PLEKHN1: variants seen among roughly 807,000 people sequenced by gnomAD.
PLEKHN1 encodes the protein pleckstrin homology domain-containing family N member 1.
In PLEKHN1, 68 loss-of-function variants were observed where a neutral mutation model predicts 72.8. That is an observed-to-expected ratio of 0.93 (90% CI 0.77 to 1.14). The LOEUF (loss-of-function observed/expected upper bound fraction) is 1.14, where lower values mean the gene tolerates loss of function less well. Ranked by LOEUF, PLEKHN1 falls within the 50% of genes most tolerant of loss-of-function variation. The pLI is 0.00. For missense variants in PLEKHN1, 1,015 were observed against 840.5 expected, an observed-to-expected ratio of 1.21 and a Z score of -2.57; for synonymous variants, 454 against 371.6, an observed-to-expected ratio of 1.22 and a Z score of -2.55.
At chr1:969,446 T>TGTGGAAATGTATGCATGTATGCA (rs1388268588) in intron 2 of PLEKHN1, among the ~76,000 whole-genome samples, 93 of 152,282 alleles carry the variant, frequency 6.1e-4, no homozygotes, top group African/African-American at 2.2e-3. Flanking sequence ...TTTGTGTGTG[T>TGTGGAAATGTATGCATGTATGCA]GTGGAAATGT....
At position 971,135 on chromosome 1, in the gene PLEKHN1, C is replaced by T. The variant is rs375803737; in HGVS notation, c.635C>T (p.Thr212Met). The T allele has an allele frequency of 4.4e-5, 70 of 1,600,722 alleles. No individual in the cohort carries two copies. Among genetic ancestry groups the T allele is most frequent in the African/African-American group, 8.0e-5 (6 of 74,710 alleles). The stretch of plus-strand genomic sequence containing the variant: ...CAGCGCCGTCTAACCCGGCTGCGGA[C>T]GGCGTCAGGGCACGAACCCGGCGGC... ...PPQRRLTRLR[T>M]ASGHEPGGSA... The change falls in exon 7 of 16, where the codon ACG becomes ATG. Residue 212 changes from threonine to methionine, a missense_variant. By Grantham distance (81) the Thr-to-Met change is moderately conservative. Coordinates refer to ENST00000379410, the MANE Select transcript of PLEKHN1 (RefSeq NM_032129.3).
At position 972,141 on chromosome 1, in the gene PLEKHN1, C is replaced by G. The variant is rs1185762629; in HGVS notation, c.856C>G (p.Leu286Val). 1 of 1,613,050 alleles carries G rather than the reference C, an allele frequency of 6.2e-7. No homozygotes were observed. Among genetic ancestry groups the G allele is most frequent in the Admixed American group, 1.7e-5 (1 of 60,014 alleles). The change falls in exon 9 of 16, where the codon CTG (leucine) becomes GTG (valine). Residue 286 changes from leucine (L) to valine (V), a missense_variant. By Grantham distance (32) the Leu-to-Val change is conservative. Transcript: ENST00000379410. ...EEKEKQIRSF[L>V]IEGPLINTIR... Reference sequence around the variant, plus strand: ...GAAGGAGAAGCAGATCCGCTCCTTCCTGATTGAAGGTAGGGCCCTGACCCT... The same window carrying G: ...GAAGGAGAAGCAGATCCGCTCCTTCGTGATTGAAGGTAGGGCCCTGACCCT...
In PLEKHN1 at chr1:971,022, C is replaced by T. The variant is rs758366116; in HGVS notation, c.612+16C>T. ...ACCCCCACAGGTCAGTGCCGGGGAC[C>T]CCACCCCCCTCCCCACCCTGATCCT... On this transcript the variant is annotated intron_variant, in intron 6 of 15. Transcript: ENST00000379410. 2.3e-6 allele frequency: 2 copies of T among 868,862 alleles called. No homozygotes were observed. The highest frequency in any genetic ancestry group is 1.4e-5 in the South Asian group (1 of 73,750). The allele number at this position is 868,862 out of a possible 1,614,324, so 53.8% of individuals were successfully genotyped here.
intron 11 of PLEKHN1, 42 bp from the exon 12 acceptor site, chr1:973,144 G>A (rs201387358): frequency 6.7e-7 from 1 of 1,495,768 alleles, no homozygotes; most frequent in African/African-American, 1.4e-5. Flanking sequence ...GCACGGGAGA[G>A]GGGCCAAAGG....
chr1:970,960 C>A lies in PLEKHN1; in HGVS notation c.566C>A (p.Thr189Lys). The change falls in exon 6 of 16, where the codon ACG becomes AAG. Residue 189 changes from threonine (T) to lysine (K), a missense_variant. Physicochemically the swap from Thr to Lys is moderately conservative, Grantham distance 78. Transcript: ENST00000379410. The surrounding 1 kb of genome is among the most constrained non-coding windows in gnomAD (Gnocchi z 4.2). ...DRWLYHLEKQ[T>K]ALLGGPRRCH... ...TGGCTTTACCACCTGGAGAAGCAGA[C>A]GGCCCTCCTCGGGGGGCCGCGGCGC... The A allele has an allele frequency of 6.2e-7, 1 of 1,607,416 alleles. No homozygotes were observed. Among genetic ancestry groups the A allele is most frequent in the Non-Finnish European group, 8.5e-7 (1 of 1,177,764 alleles).
At chr1:968,065 C>T (rs1483642191) in intron 2 of PLEKHN1, among the ~76,000 whole-genome samples, 3 of 152,340 alleles carry the variant, frequency 2.0e-5, no homozygotes, top group South Asian at 2.1e-4. Flanking sequence ...GAGTCCTCCC[C>T]GGGGCCCCGA....
intron 2 of PLEKHN1, among the ~76,000 whole-genome samples, chr1:969,909 G>T (rs886684653): frequency 1.3e-5 from 2 of 152,226 alleles, no homozygotes; most frequent in Non-Finnish European, 2.9e-5. Context: ...ATGTATGCAC[G>T]TGTGTGTAAA....
intron 12 of PLEKHN1, 71 bp downstream of exon 12, chr1:973,397 G>A: frequency 1.3e-6 from 2 of 1,560,734 alleles, no homozygotes; most frequent in Non-Finnish European, 8.7e-7. Flanking sequence ...TCTGTCTCTG[G>A]GCCCAGTTGT....
At position 970,254 on chromosome 1, in the gene PLEKHN1, C is replaced by T. The variant is rs765105613; in HGVS notation, c.184-23C>T. On this transcript the variant is annotated intron_variant, in intron 2 of 15. Transcript: ENST00000379410. The surrounding 1 kb of genome is among the most constrained non-coding windows in gnomAD (Gnocchi z 4.2). Reference sequence around the variant, plus strand: ...GTGGGGGGCCCAGGGGAGGCCCCCTCCCCTGAGCTCTACTCCTCCTAGGAC... The same window carrying T: ...GTGGGGGGCCCAGGGGAGGCCCCCTTCCCTGAGCTCTACTCCTCCTAGGAC... 10 of 1,610,800 alleles carry T rather than the reference C, an allele frequency of 6.2e-6. No homozygotes were observed. The South Asian group carries it at 8.8e-5, about 14-fold the overall frequency.
In PLEKHN1 at chr1:973,168, G is replaced by C. The variant is rs1466244894; in HGVS notation, c.1153-18G>C. On this transcript the variant is annotated intron_variant, in intron 11 of 15. Transcript: ENST00000379410. ...AGGGGCCAAAGGGCTCTTCCTGGAA[G>C]GTTTGTGGTCCCCACAGGACCAGGC... 1 of 1,504,506 alleles carries C rather than the reference G, an allele frequency of 6.6e-7. No homozygotes were observed. Among genetic ancestry groups the C allele is most frequent in the Admixed American group, 2.1e-5 (1 of 47,274 alleles). The allele number at this position is 1,504,506 out of a possible 1,614,324, so 93.2% of individuals were successfully genotyped here.
rs199941754 is a variant in PLEKHN1 at position 966,736 on chromosome 1, C to G, written c.116C>G (p.Pro39Arg). 3.2e-6 allele frequency: 5 copies of G among 1,574,456 alleles called. No individual in the cohort carries two copies. Among genetic ancestry groups the G allele is most frequent in the Admixed American group, 1.8e-5 (1 of 54,876 alleles). ...EDSARMSAGL[P>R]GPEAARSGDA... ...AGCGCGCGGATGTCGGCCGGCCTGC[C>G]GGGCCCCGAGGCTGCTCGAAGCGGG... Residue 39 changes from proline to arginine, a missense_variant, in exon 2 of 16, where the codon CCG (proline) becomes CGG (arginine). Coordinates refer to ENST00000379410, the MANE Select transcript of PLEKHN1 (RefSeq NM_032129.3).
rs776452091 is a variant in PLEKHN1 at position 970,943 on chromosome 1, C to T, written c.549C>T (p.Tyr183=). The change falls in exon 6 of 16, where the codon TAC becomes TAT. Residue 183 remains tyrosine (Y), a synonymous_variant. Coordinates refer to ENST00000379410, the MANE Select transcript of PLEKHN1 (RefSeq NM_032129.3). The surrounding 1 kb of genome is among the most constrained non-coding windows in gnomAD (Gnocchi z 4.2). The stretch of plus-strand genomic sequence containing the variant: ...GGGCCGAGCTGGACCGCTGGCTTTA[C>T]CACCTGGAGAAGCAGACGGCCCTCC... ...PSRAELDRWL[Y]HLEKQTALLG... The T allele has an allele frequency of 1.9e-6, 3 of 1,609,862 alleles. No homozygotes were observed. The highest frequency in any genetic ancestry group is 1.3e-5 in the African/African-American group (1 of 74,862).
intron 2 of PLEKHN1, among the ~76,000 whole-genome samples, chr1:967,624 A>C (rs780364314): frequency 4.6e-5 from 7 of 152,184 alleles, no homozygotes; most frequent in Non-Finnish European, 1.0e-4. Context: ...ATGGCCGTGC[A>C]GACCCCTTTG....
At position 970,170 on chromosome 1, in the gene PLEKHN1, G is replaced by A. The variant is rs1445553553; in HGVS notation, c.184-107G>A. On this transcript the variant is annotated intron_variant, in intron 2 of 15. Coordinates refer to ENST00000379410, the MANE Select transcript of PLEKHN1 (RefSeq NM_032129.3). This position sits in a 1 kb window ranked among gnomAD's most constrained non-coding sequence, Gnocchi z 4.2. ...GCTGTTCTTCACATATGTGTTGTGT[G>A]GCTATGCACAGGCAGACCATGCTAT... is the stretch of plus-strand genomic sequence containing the variant. 3.2e-6 allele frequency: 4 copies of A among 1,242,036 alleles called. No homozygotes were observed. The highest frequency in any genetic ancestry group is 4.8e-5 in the East Asian group (2 of 41,642). The allele number at this position is 1,242,036 out of a possible 1,614,324, so 76.9% of individuals were successfully genotyped here. A position where few individuals can be genotyped will look rare whatever the true frequency, so the allele number is the denominator to read the frequency against.
At position 974,652 on chromosome 1, in the gene PLEKHN1, T is replaced by G; in HGVS notation, c.*77T>G. The G allele has an allele frequency of 6.7e-7, 1 of 1,500,648 alleles. No individual in the cohort carries two copies. Among genetic ancestry groups the G allele is most frequent in the Non-Finnish European group, 8.9e-7 (1 of 1,119,910 alleles). The allele number at this position is 1,500,648 out of a possible 1,614,324, so 93.0% of individuals were successfully genotyped here. On this transcript the variant is annotated 3_prime_UTR_variant, in exon 16 of 16. Coordinates refer to ENST00000379410, the MANE Select transcript of PLEKHN1 (RefSeq NM_032129.3). ...CCTGCCCCTCTAACCCACTTCAAAT[T>G]ACAAGTCAGGGTCTGAACCCAGTGT...
intron 8 of PLEKHN1, 76 bp from the exon 9 acceptor site, chr1:971,999 A>G: frequency 7.1e-7 from 1 of 1,399,708 alleles, no homozygotes. Flanking sequence ...TCTGGAGGGC[A>G]AGAGGGTGGG....
Position 973,322 on chromosome 1 carries a change from C to G in PLEKHN1, c.1289C>G (p.Thr430Ser), listed in dbSNP as rs551190303. 4 of 1,544,278 alleles carry G rather than the reference C, an allele frequency of 2.6e-6. No individual in the cohort carries two copies. In the Middle Eastern group the frequency reaches 5.9e-4, roughly 226 times the overall value. Residue 430 changes from threonine to serine, a missense_variant, in exon 12 of 16, where the codon ACC becomes AGC. Coordinates refer to ENST00000379410, the MANE Select transcript of PLEKHN1 (RefSeq NM_032129.3). Reference sequence around the variant, plus strand: ...GTCACCCCACTGCACCTGGACCTGACCCAGGTGGGCCCAGCACACCCACAC... The same window carrying G: ...GTCACCCCACTGCACCTGGACCTGAGCCAGGTGGGCCCAGCACACCCACAC... Reference protein sequence around the residue: ...GPVTPLHLDLTQLHRLSLESS... With the variant: ...GPVTPLHLDLSQLHRLSLESS...
chr1:971,098 C>T lies in PLEKHN1; in HGVS notation c.613-15C>T. On this transcript the variant is annotated splice_polypyrimidine_tract_variant and intron_variant, in intron 6 of 15. Coordinates refer to ENST00000379410, the MANE Select transcript of PLEKHN1 (RefSeq NM_032129.3). ...ACAGGGGTCCTGCGGAGACGAACTCCCCTGGACTTTGCAGCGCCGTCTAAC... is the reference window on the plus strand; with the variant it reads ...ACAGGGGTCCTGCGGAGACGAACTCTCCTGGACTTTGCAGCGCCGTCTAAC... 3 of 1,589,354 alleles carry T rather than the reference C, an allele frequency of 1.9e-6. No homozygotes were observed. Among genetic ancestry groups the T allele is most frequent in the Admixed American group, 1.8e-5 (1 of 56,812 alleles).
Position 972,167 on chromosome 1 carries a change from G to A in PLEKHN1, c.865+17G>A. 6.2e-7 allele frequency: 1 copy of A among 1,612,070 alleles called. No homozygotes were observed. The highest frequency in any genetic ancestry group is 8.5e-7 in the Non-Finnish European group (1 of 1,179,366). Reference sequence around the variant, plus strand: ...TGATTGAAGGTAGGGCCCTGACCCTGGTTCTGCCTCCCGCCTGGCCAGGCC... The same window carrying A: ...TGATTGAAGGTAGGGCCCTGACCCTAGTTCTGCCTCCCGCCTGGCCAGGCC... On this transcript the variant is annotated intron_variant, in intron 9 of 15. Transcript: ENST00000379410.
Sources: allele counts gnomAD v4.1 joint callset (sites outside exome capture counted in the v4.1 genomes callset), GRCh38; gene constraint gnomAD v4.1.1; non-coding constraint Gnocchi (gnomAD v3.1); transcripts MANE v1.5; gene names NCBI Gene and HGNC (gene_info 2026-07-23, HGNC 2026-07-21).